RNF128: variants seen among roughly 807,000 people sequenced by gnomAD.
RNF128 encodes the protein ring finger protein 128.
Under a neutral mutation model 26.2 loss-of-function variants are expected in RNF128, and 13 were observed. The observed-to-expected ratio is 0.50, with a 90% CI of 0.32 to 0.79. RNF128 has a LOEUF of 0.79. RNF128 is among the 30% of genes least tolerant of loss of function. The pLI is 0.03. For synonymous variants in RNF128, 149 were observed against 142.5 expected (o/e 1.05, Z -0.32); for missense variants, 315 against 349.7 (o/e 0.90, Z 0.79).
At chrX:106,767,050 G>A in intron 1 of RNF128, among the ~76,000 whole-genome samples, 1 of 110,882 alleles carries the variant, frequency 9.0e-6, no homozygotes, top group Non-Finnish European at 1.9e-5. Context: ...ATTTCTGAGG[G>A]CTCTATTCTG....
At chrX:106,750,343 T>C (rs1380193229) in intron 1 of RNF128, among the ~76,000 whole-genome samples, 1 of 112,168 alleles carries the variant, frequency 8.9e-6, no homozygotes, top group Non-Finnish European at 1.9e-5. Context: ...AGATAACTAG[T>C]GTAGAATGGT....
At chrX:106,758,337 A>G (rs1018519746) in intron 1 of RNF128, among the ~76,000 whole-genome samples, 31 of 112,146 alleles carry the variant, frequency 2.8e-4, no homozygotes, top group African/African-American at 1.0e-3. Flanking sequence ...AATTTTATTA[A>G]AAGGTTCATA....
chrX:106,788,122 T>C (rs776501986), intron 4 of RNF128, 122 bp downstream of exon 4: 11 of 379,469 alleles, frequency 2.9e-5, no homozygotes, highest in South Asian at 6.2e-5. Flanking sequence ...TTTTAACTTA[T>C]CTTCATTTAA....
chrX:106,743,281 A>G (rs1459143729), intron 1 of RNF128, among the ~76,000 whole-genome samples: 1 of 112,480 alleles, frequency 8.9e-6, no homozygotes, highest in Non-Finnish European at 1.9e-5. Flanking sequence ...CTATGTAAGC[A>G]TAACTTCCCA....
intron 3 of RNF128, 35 bp from the exon 4 acceptor site, chrX:106,787,883 T>C: frequency 3.0e-6 from 3 of 1,003,522 alleles, no homozygotes; most frequent in Non-Finnish European, 4.2e-6. Context: ...TATTTTTTCT[T>C]ATCTGTCAGA....
intron 1 of RNF128, among the ~76,000 whole-genome samples, chrX:106,750,903 T>C (rs1247302847): frequency 8.9e-6 from 1 of 111,767 alleles, no homozygotes; most frequent in Non-Finnish European, 1.9e-5. Flanking sequence ...AGTGAAAAAT[T>C]GCAACAGTTT....
intron 2 of RNF128, among the ~76,000 whole-genome samples, chrX:106,783,245 C>G (rs1930594702): frequency 1.8e-5 from 2 of 111,369 alleles, no homozygotes; most frequent in Non-Finnish European, 3.8e-5. Flanking sequence ...ATATAGGAGA[C>G]AGGTTTGGGC....
At chrX:106,780,416 C>G (rs1176784088) in intron 2 of RNF128, among the ~76,000 whole-genome samples, 1 of 111,697 alleles carries the variant, frequency 9.0e-6, no homozygotes, top group Non-Finnish European at 1.9e-5. Context: ...AGAGCGAATG[C>G]AGCTTTTGAT....
intron 1 of RNF128, among the ~76,000 whole-genome samples, chrX:106,757,456 T>C (rs1383108287): frequency 3.0e-5 from 2 of 67,361 alleles, no homozygotes; most frequent in African/African-American, 5.8e-5. Context: ...AAATTGGAAA[T>C]CATCATTCTC....
At chrX:106,722,870 C>A (rs1929337388), upstream of RNF128, among the ~76,000 whole-genome samples, 1 of 111,073 alleles carries the variant, frequency 9.0e-6, no homozygotes, top group African/African-American at 3.3e-5. Context: ...AGGATGAACT[C>A]AGAGCAAGGG....
exon 1 of RNF128, chrX:106,694,180 G>A (rs1218455059): frequency 8.3e-7 from 1 of 1,210,299 alleles, no homozygotes; most frequent in South Asian, 1.8e-5. Context: ...AGCTTCACCA[G>A]TGGCTAATGC....
Position 106,726,902 on chromosome X carries a change from A to G in RNF128, c.-12A>G, listed in dbSNP as rs367954696. The G allele has an allele frequency of 3.8e-3, 4,463 of 1,161,094 alleles. 10 individuals are homozygous for G. Among genetic ancestry groups the G allele is most frequent in the Non-Finnish European group, 4.8e-3 (4,187 of 872,355 alleles). On this transcript the variant is annotated 5_prime_UTR_variant, in exon 1 of 7. Transcript: ENST00000255499. ...TGCCAGGGGCGCTAGGGAACTGCGGAGCGCGCGCGCCATGGGGCCGCCGCC... is the reference window on the plus strand; with the variant it reads ...TGCCAGGGGCGCTAGGGAACTGCGGGGCGCGCGCGCCATGGGGCCGCCGCC...
At position 106,795,816 on chromosome X, in the gene RNF128, A is replaced by G. The variant is rs1057133433; in HGVS notation, c.*103A>G. 7 of 679,085 alleles carry G rather than the reference A, an allele frequency of 1.0e-5. No individual in the cohort carries two copies. In the South Asian group the frequency reaches 3.2e-4, roughly 31 times the overall value. 56.0% of individuals were successfully genotyped at this position (679,085 alleles called of 1,213,427 possible). A position where few individuals can be genotyped will look rare whatever the true frequency, so the allele number is the denominator to read the frequency against. ...GGATAAATTTAATAAAATAAGAGTG[A>G]TACTGAAAGTGCTCAGATGACTAAT... On this transcript the variant is annotated 3_prime_UTR_variant, in exon 7 of 7. Coordinates refer to ENST00000255499, the MANE Select transcript of RNF128 (RefSeq NM_194463.2).
At chrX:106,751,401 G>A (rs182317795) in intron 1 of RNF128, among the ~76,000 whole-genome samples, 4 of 110,780 alleles carry the variant, frequency 3.6e-5, no homozygotes, top group East Asian at 2.9e-4. Flanking sequence ...AGCCCTAGCC[G>A]GAGGAGAATT....
At chrX:106,723,241 C>T (rs1929343577), upstream of RNF128, among the ~76,000 whole-genome samples, 1 of 111,989 alleles carries the variant, frequency 8.9e-6, no homozygotes, top group East Asian at 2.8e-4. Context: ...TATGTGTATA[C>T]ACATGTGCAT....
At chrX:106,713,748 G>GGGGT (rs1929167838) in intron 1 of RNF128, among the ~76,000 whole-genome samples, 1 of 111,472 alleles carries the variant, frequency 9.0e-6, no homozygotes, top group African/African-American at 3.3e-5. Context: ...ACATGAACAT[G>GGGGT]GGGTCGTTGG....
intron 1 of RNF128, among the ~76,000 whole-genome samples, chrX:106,748,392 G>T (rs1274189095): frequency 8.9e-6 from 1 of 112,232 alleles, no homozygotes; most frequent in Non-Finnish European, 1.9e-5. Context: ...CATAGATTCA[G>T]TGATATGGTT....
intron 4 of RNF128, among the ~76,000 whole-genome samples, chrX:106,789,024 G>C (rs1234916704): frequency 1.2e-5 from 1 of 81,662 alleles, no homozygotes; most frequent in East Asian, 3.6e-4. Flanking sequence ...ATACTATATA[G>C]TGAGATAATA....
At chrX:106,758,909 G>A in intron 1 of RNF128, among the ~76,000 whole-genome samples, 1 of 111,221 alleles carries the variant, frequency 9.0e-6, no homozygotes, top group Non-Finnish European at 1.9e-5. Flanking sequence ...CACAAGTACA[G>A]GTAACCAAAG....
Sources: gnomAD v4.1 joint callset for allele counts (sites outside exome capture counted in the v4.1 genomes callset) on GRCh38, gnomAD v4.1.1 for gene constraint, MANE v1.5 for transcripts, NCBI Gene and HGNC (gene_info 2026-07-23, HGNC 2026-07-21) for gene names.